Variants in COMMD10 observed in about 807,000 individuals in gnomAD.
COMMD10 encodes COMM domain-containing protein 10.
COMMD10 carries 33 observed loss-of-function variants against 28.9 expected under a neutral mutation model. The observed-to-expected ratio is 1.14, with a 90% CI of 0.87 to 1.53. COMMD10 has a LOEUF of 1.53. COMMD10 is among the 40% of genes most tolerant of loss of function. COMMD10 has a pLI of 0.00. For missense variants in COMMD10, 310 were observed against 233.4 expected (o/e 1.33, Z -2.14); for synonymous variants, 110 against 81.7 (o/e 1.35, Z -1.87).
At chr5:116,161,500 T>C (rs1177439177) in intron 5 of COMMD10, among the ~76,000 whole-genome samples, 1 of 152,160 alleles carries the variant, frequency 6.6e-6, no homozygotes. Flanking sequence ...ATATGACTTT[T>C]GACTCCCCGA....
chr5:116,100,678 GA>G (rs59761979), intron 4 of COMMD10, among the ~76,000 whole-genome samples: 2 of 149,754 alleles, frequency 1.3e-5, no homozygotes, highest in Non-Finnish European at 3.0e-5. Context: ...AGGGCCAATT[GA>G]AAAAAAAACT....
intron 5 of COMMD10, among the ~76,000 whole-genome samples, chr5:116,193,817 A>G (rs1748435355): frequency 6.6e-6 from 1 of 152,198 alleles, no homozygotes; most frequent in Non-Finnish European, 1.5e-5. Context: ...AAATGGACTT[A>G]GCAGATACAT....
chr5:116,203,574 G>A (rs1748730175), intron 5 of COMMD10, among the ~76,000 whole-genome samples: 1 of 152,034 alleles, frequency 6.6e-6, no homozygotes, highest in Admixed American at 6.6e-5. Flanking sequence ...GAAGAGAGTG[G>A]GGGCCAATAT....
intron 5 of COMMD10, among the ~76,000 whole-genome samples, chr5:116,198,503 A>G (rs1451389079): frequency 6.6e-6 from 1 of 152,144 alleles, no homozygotes; most frequent in Non-Finnish European, 1.5e-5. Context: ...TATGTTTGTC[A>G]CAATAGATGA....
intron 5 of COMMD10, among the ~76,000 whole-genome samples, chr5:116,205,926 ATCATT>A (rs1400670207): frequency 2.2e-4 from 33 of 152,246 alleles, no homozygotes; most frequent in African/African-American, 7.7e-4. Flanking sequence ...AACACTTTGA[ATCATT>A]TCCACTGATT....
At chr5:116,191,498 G>T (rs1221797822) in intron 5 of COMMD10, among the ~76,000 whole-genome samples, 1 of 151,910 alleles carries the variant, frequency 6.6e-6, no homozygotes, top group Non-Finnish European at 1.5e-5. Context: ...TAAGAGCTGG[G>T]TGACGCCTGT....
At chr5:116,136,978 A>G (rs1462847809) in intron 5 of COMMD10, among the ~76,000 whole-genome samples, 1 of 152,092 alleles carries the variant, frequency 6.6e-6, no homozygotes, top group East Asian at 1.9e-4. Flanking sequence ...TAAACAATAG[A>G]CAGACACATA....
intron 5 of COMMD10, among the ~76,000 whole-genome samples, chr5:116,247,803 G>T (rs888544626): frequency 7.2e-5 from 11 of 151,878 alleles, no homozygotes; most frequent in African/African-American, 2.7e-4. Context: ...CAAACTCTGG[G>T]GTCTATTGGA....
intron 5 of COMMD10, among the ~76,000 whole-genome samples, chr5:116,265,518 T>A (rs1437483607): frequency 6.6e-6 from 1 of 151,748 alleles, no homozygotes. Flanking sequence ...AGAGTTTGTG[T>A]TTTCCTTACT....
At chr5:116,219,936 G>GT (rs531385631) in intron 5 of COMMD10, among the ~76,000 whole-genome samples, 2 of 151,886 alleles carry the variant, frequency 1.3e-5, no homozygotes, top group Non-Finnish European at 2.9e-5. Flanking sequence ...TTTTGATAGA[G>GT]TTTTTTATTA....
At chr5:116,130,730 A>G (rs948825134) in intron 4 of COMMD10, among the ~76,000 whole-genome samples, 3 of 152,054 alleles carry the variant, frequency 2.0e-5, no homozygotes, top group Non-Finnish European at 4.4e-5. Flanking sequence ...AGTTTTGTGA[A>G]TGAGTAACAC....
At chr5:116,089,332 A>G (rs7733992) in intron 2 of COMMD10, among the ~76,000 whole-genome samples, 136,907 of 152,270 alleles carry the variant, frequency 0.9, 61,681 homozygotes, top group African/African-American at 0.94. Flanking sequence ...TAGTTGGGCA[A>G]CTTGGCTCCG....
chr5:116,171,011 C>A (rs765537170), intron 5 of COMMD10, among the ~76,000 whole-genome samples: 1 of 152,158 alleles, frequency 6.6e-6, no homozygotes, highest in African/African-American at 2.4e-5. Context: ...TAAAGAGCTT[C>A]TGCACAGCAA....
At chr5:116,248,736 T>C (rs1750028494) in intron 5 of COMMD10, among the ~76,000 whole-genome samples, 1 of 151,860 alleles carries the variant, frequency 6.6e-6, no homozygotes. Context: ...CTACCAACTT[T>C]AAAAACAACA....
intron 4 of COMMD10, among the ~76,000 whole-genome samples, chr5:116,100,687 A>AAG (rs1750631420): frequency 6.6e-6 from 1 of 151,846 alleles, no homozygotes; most frequent in Non-Finnish European, 1.5e-5. Flanking sequence ...TGAAAAAAAA[A>AAG]CTTGACATTA....
At position 116,191,359 on chromosome 5, in the gene COMMD10, C is replaced by CCTAT. The variant is rs757509183; in HGVS notation, c.510+57182_510+57185dup. ...TCAACAGGTGGGGGAAGAATGAAGC[C>CCTAT]CTATTCTTTTGCAACTGGGTGGCGG... On this transcript the variant is annotated intron_variant, in intron 5 of 6. Coordinates refer to ENST00000274458, the MANE Select transcript of COMMD10 (RefSeq NM_016144.4). Among the ~76,000 whole-genome samples, 57 of 151,906 alleles carry CCTAT rather than the reference C, an allele frequency of 3.8e-4. 1 individual carries two copies. In the Middle Eastern group the frequency reaches 0.01, roughly 27 times the overall value.
intron 5 of COMMD10, among the ~76,000 whole-genome samples, chr5:116,171,599 C>T (rs1561646655): frequency 6.6e-6 from 1 of 152,098 alleles, no homozygotes; most frequent in Non-Finnish European, 1.5e-5. Flanking sequence ...CAATGATATA[C>T]TGGATAAAGA....
intron 5 of COMMD10, among the ~76,000 whole-genome samples, chr5:116,232,396 G>A (rs4283832): frequency 0.65 from 98,379 of 151,650 alleles, 35,028 homozygotes; most frequent in South Asian, 0.8. Context: ...GATTAAAATC[G>A]AAAGGTAAAC....
chr5:116,195,118 T>C (rs1748473959), intron 5 of COMMD10, among the ~76,000 whole-genome samples: 1 of 152,086 alleles, frequency 6.6e-6, no homozygotes, highest in South Asian at 2.1e-4. Context: ...TCCAGCATTC[T>C]TTATGATTAA....
Sources: gnomAD v4.1 joint callset for allele counts (sites outside exome capture counted in the v4.1 genomes callset) on GRCh38, gnomAD v4.1.1 for gene constraint, MANE v1.5 for transcripts, NCBI Gene and HGNC (gene_info 2026-07-23, HGNC 2026-07-21) for gene names.